SUMF1: variants seen among roughly 807,000 people sequenced by gnomAD.
The protein encoded by SUMF1 is formylglycine-generating enzyme.
A neutral mutation model predicts 47.6 loss-of-function variants in SUMF1; 48 were observed. The observed-to-expected ratio is 1.01, with a 90% CI of 0.80 to 1.28. SUMF1 has a LOEUF of 1.28. SUMF1 is among the 50% of genes most tolerant of loss of function. The probability of loss-of-function intolerance (pLI) is 0.00; values close to 1 mark genes in which losing one functional copy is unlikely to be tolerated. For synonymous variants in SUMF1, 230 were observed against 192.1 expected (o/e 1.20, Z -1.63); for missense variants, 571 against 485.4 (o/e 1.18, Z -1.66).
At chr3:4,162,548 A>T (rs189425199) in intron 8 of SUMF1, among the ~76,000 whole-genome samples, 1 of 152,278 alleles carries the variant, frequency 6.6e-6, no homozygotes, top group Admixed American at 6.5e-5. Flanking sequence ...CGTGGACATC[A>T]GCTGAGTTCA....
At chr3:4,108,983 A>G (rs1185763603) in intron 8 of SUMF1, among the ~76,000 whole-genome samples, 1 of 151,954 alleles carries the variant, frequency 6.6e-6, no homozygotes, top group African/African-American at 2.4e-5. Context: ...TTAGCTGGTG[A>G]TTTTGCTCAT....
rs1694651378 is a variant in SUMF1 at position 4,164,378 on chromosome 3, G to A, written c.1015-95633C>T. ...AGTGAGGGTGATGACATGAGCTGGC[G>A]CTTACCCCAGGCACCCTCAGTTCTG... On this transcript the variant is annotated intron_variant and NMD_transcript_variant, in intron 8 of 12. Coordinates refer to the SUMF1 transcript ENST00000448413. Among the ~76,000 whole-genome samples the A allele has an allele frequency of 2.0e-5, 3 of 152,164 alleles. No homozygotes were observed. The South Asian group carries it at 6.2e-4, about 32-fold the overall frequency.
At chr3:4,266,629 G>A (rs1228959680) in intron 8 of SUMF1, among the ~76,000 whole-genome samples, 1 of 151,790 alleles carries the variant, frequency 6.6e-6, no homozygotes, top group Non-Finnish European at 1.5e-5. Flanking sequence ...TTTGGGCTGA[G>A]ACAATGGGGT....
chr3:4,380,252 A>T (rs999401676), intron 7 of SUMF1, among the ~76,000 whole-genome samples: 1 of 152,086 alleles, frequency 6.6e-6, no homozygotes, highest in Non-Finnish European at 1.5e-5. Context: ...AAAAAGAATG[A>T]CTCATGTCCT....
chr3:4,048,206 C>T (rs1375783626), intron 9 of SUMF1, among the ~76,000 whole-genome samples: 3 of 152,108 alleles, frequency 2.0e-5, no homozygotes, highest in Non-Finnish European at 4.4e-5. Flanking sequence ...ACAAAACTTT[C>T]TCTAACCCCC....
At chr3:4,438,961 A>T (rs1405945830) in intron 3 of SUMF1, among the ~76,000 whole-genome samples, 1 of 152,228 alleles carries the variant, frequency 6.6e-6, no homozygotes, top group Non-Finnish European at 1.5e-5. Context: ...CTCTGATTAC[A>T]GCCTCATTGA....
At chr3:4,134,582 T>C (rs1693875128) in intron 8 of SUMF1, among the ~76,000 whole-genome samples, 1 of 151,968 alleles carries the variant, frequency 6.6e-6, no homozygotes, top group Non-Finnish European at 1.5e-5. Flanking sequence ...AGCAAACACA[T>C]TCAAAAGCAG....
At position 4,361,571 on chromosome 3, in the gene SUMF1, C is replaced by A; in HGVS notation, c.*573G>T. 6.3e-6 allele frequency: 1 copy of A among 159,496 alleles called. No homozygotes were observed. 9.9% of individuals were successfully genotyped at this position (159,496 alleles called of 1,614,324 possible). On this transcript the variant is annotated 3_prime_UTR_variant, in exon 9 of 9. Transcript: ENST00000272902. ...TGCAGTACGAATATAAAGGAGTCAC[C>A]ACACCCCTCTTCCGAAAATAATACA...
intron 8 of SUMF1, among the ~76,000 whole-genome samples, chr3:4,163,350 CAG>C (rs1237314337): frequency 1.3e-4 from 10 of 75,138 alleles, no homozygotes; most frequent in African/African-American, 5.1e-4. Context: ...GAGAGAGAGA[CAG>C]AGAGAGAGAG....
chr3:4,166,291 A>C (rs1694705097), intron 8 of SUMF1, among the ~76,000 whole-genome samples: 1 of 152,086 alleles, frequency 6.6e-6, no homozygotes, highest in Non-Finnish European at 1.5e-5. Flanking sequence ...ACCATGAGGG[A>C]GGGAAGGGAT....
intron 3 of SUMF1, among the ~76,000 whole-genome samples, chr3:4,428,619 G>A (rs1702139942): frequency 6.6e-6 from 1 of 152,170 alleles, no homozygotes; most frequent in African/African-American, 2.4e-5. Flanking sequence ...CTCCCAAAGT[G>A]CTGGGATTAC....
At chr3:4,235,873 G>C (rs375374728) in intron 8 of SUMF1, among the ~76,000 whole-genome samples, 2 of 152,132 alleles carry the variant, frequency 1.3e-5, no homozygotes, top group African/African-American at 2.4e-5. Flanking sequence ...CATGCTACTC[G>C]TCTCTGAGGT....
chr3:4,117,637 C>A (rs1489549651), intron 8 of SUMF1, among the ~76,000 whole-genome samples: 3 of 152,036 alleles, frequency 2.0e-5, no homozygotes, highest in African/African-American at 7.3e-5. Context: ...GTTTTGATTT[C>A]TTTATCAAGA....
At chr3:4,130,016 T>A (rs1210217082) in intron 8 of SUMF1, among the ~76,000 whole-genome samples, 2 of 152,068 alleles carry the variant, frequency 1.3e-5, no homozygotes, top group Non-Finnish European at 2.9e-5. Flanking sequence ...TGCCCCTACC[T>A]AGAAAAATAG....
chr3:4,239,391 T>C (rs1696486158), intron 8 of SUMF1, among the ~76,000 whole-genome samples: 1 of 152,194 alleles, frequency 6.6e-6, no homozygotes, highest in Admixed American at 6.5e-5. Context: ...TGATATTGAT[T>C]ACTCCTATCC....
chr3:4,371,212 T>A (rs1398447130), intron 8 of SUMF1, among the ~76,000 whole-genome samples: 1 of 152,214 alleles, frequency 6.6e-6, no homozygotes, highest in Non-Finnish European at 1.5e-5. Context: ...TTCTTAAGGA[T>A]GTGAGGTCTT....
chr3:4,313,818 G>A, intron 8 of SUMF1: 3 of 1,604,844 alleles, frequency 1.9e-6, no homozygotes, highest in African/African-American at 2.7e-5. Context: ...GACAGTGGTT[G>A]GCTAGCTTTA....
intron 8 of SUMF1, among the ~76,000 whole-genome samples, chr3:4,311,705 T>A (rs960272614): frequency 3.9e-5 from 6 of 152,224 alleles, no homozygotes; most frequent in Non-Finnish European, 8.8e-5. Flanking sequence ...ATACTGTGTG[T>A]CTAAGCTCAC....
intron 8 of SUMF1, among the ~76,000 whole-genome samples, chr3:4,334,716 A>C (rs979590250): frequency 7.9e-5 from 12 of 152,252 alleles, no homozygotes; most frequent in Admixed American, 6.5e-5. Context: ...AAACCCATGC[A>C]GTGGAGGTAA....
Sources: allele counts gnomAD v4.1 joint callset (sites outside exome capture counted in the v4.1 genomes callset), GRCh38; gene constraint gnomAD v4.1.1; transcripts MANE v1.5; gene names NCBI Gene and HGNC (gene_info 2026-07-23, HGNC 2026-07-21).